The following COL6A5 variants were observed in gnomAD, a reference collection of about 807,000 sequenced individuals.
COL6A5 encodes the protein collagen type VI alpha 5 chain, also known as collagen alpha-5(VI) chain.
A neutral mutation model predicts 65.6 loss-of-function variants in COL6A5; 48 were observed. That is an observed-to-expected ratio of 0.73 (90% CI 0.58 to 0.93). The LOEUF is 0.93. COL6A5 is among the 40% of genes least tolerant of loss of function. The pLI, the probability that COL6A5 is intolerant of heterozygous loss-of-function variation, is 0.00. For missense variants in COL6A5, 914 were observed against 928.3 expected (o/e 0.98, Z 0.20); for synonymous variants, 291 against 322.8 (o/e 0.90, Z 1.05).
intron 20 of COL6A5, 100 bp from the exon 21 acceptor site, chr3:130,413,445 C>A: frequency 9.0e-7 from 1 of 1,105,502 alleles, no homozygotes; most frequent in South Asian, 1.4e-5. Flanking sequence ...GTGAGCTGCT[C>A]ATTACTTATG....
At position 130,349,331 on chromosome 3, in the gene COL6A5, C is replaced by T. The variant is rs549637965; in HGVS notation, c.-29+3350C>T. ...AAGAACACCATCTTTGTAGAGACTG[C>T]AAGCCCTTGGGCAAGCTATGCTAAC... On this transcript the variant is annotated intron_variant and NMD_transcript_variant, in intron 1 of 41. Coordinates refer to the COL6A5 transcript ENST00000312481. 4.6e-5 allele frequency among the ~76,000 whole-genome samples: 7 copies of T among 152,340 alleles called. No individual in the cohort carries two copies. The South Asian group carries it at 1.4e-3, about 32-fold the overall frequency.
chr3:130,452,674 GCAC>G (rs544298664), intron 4 of COL6A5, among the ~76,000 whole-genome samples: 6 of 152,268 alleles, frequency 3.9e-5, no homozygotes, highest in Admixed American at 3.3e-4. Context: ...GAAGTTTCGG[GCAC>G]CATCGTCATT....
At chr3:130,354,811 A>G (rs1934863675) in intron 1 of COL6A5, among the ~76,000 whole-genome samples, 1 of 152,186 alleles carries the variant, frequency 6.6e-6, no homozygotes, top group African/African-American at 2.4e-5. Flanking sequence ...TGCGTGTTCC[A>G]TGATTTATAG....
intron 6 of COL6A5, among the ~76,000 whole-genome samples, chr3:130,389,929 G>A (rs1003335890): frequency 1.3e-5 from 2 of 152,124 alleles, no homozygotes; most frequent in African/African-American, 4.8e-5. Flanking sequence ...TTTGTTTTGT[G>A]TTGTTCCTGT....
intron 4 of COL6A5, among the ~76,000 whole-genome samples, chr3:130,380,363 T>A (rs1935953738): frequency 6.6e-6 from 1 of 152,194 alleles, no homozygotes; most frequent in Non-Finnish European, 1.5e-5. Flanking sequence ...CCTGTAATTC[T>A]ATCTTCAGAT....
intron 17 of COL6A5, 99 bp from the exon 18 acceptor site, chr3:130,409,227 T>G: frequency 1.2e-6 from 1 of 832,452 alleles, no homozygotes; most frequent in South Asian, 2.0e-5. Context: ...ACAAAGAGCA[T>G]TTTATCTGAT....
intron 4 of COL6A5, among the ~76,000 whole-genome samples, chr3:130,381,556 A>G (rs955301233): frequency 1.3e-5 from 2 of 152,018 alleles, no homozygotes; most frequent in Non-Finnish European, 2.9e-5. Flanking sequence ...TCTCCTAGTT[A>G]AGATTCTTTG....
intron 7 of COL6A5, among the ~76,000 whole-genome samples, chr3:130,482,091 T>G (rs1336050176): frequency 1.3e-5 from 2 of 152,204 alleles, no homozygotes; most frequent in East Asian, 3.9e-4. Flanking sequence ...TGCAATTGCT[T>G]TTGGTGTTTT....
At chr3:130,460,552 TG>T (rs1294905018) in intron 5 of COL6A5, among the ~76,000 whole-genome samples, 1 of 152,108 alleles carries the variant, frequency 6.6e-6, no homozygotes, top group African/African-American at 2.4e-5. Context: ...TGACATTTTA[TG>T]TTATGTGACC....
chr3:130,440,904 A>G (rs1314549731), intron 3 of COL6A5, 79 bp downstream of exon 35: 2 of 1,027,414 alleles, frequency 1.9e-6, no homozygotes, highest in Non-Finnish European at 2.8e-6. Context: ...CTATTTTTGT[A>G]TCTATAGCTA....
chr3:130,439,196 G>A (rs1260899221), intron 1 of COL6A5, among the ~76,000 whole-genome samples: 1 of 151,972 alleles, frequency 6.6e-6, no homozygotes, highest in Admixed American at 6.5e-5. Flanking sequence ...AGAATTGCAG[G>A]CTTGGAAATG....
At chr3:130,468,417 AC>A (rs1238995895) in intron 5 of COL6A5, among the ~76,000 whole-genome samples, 1 of 152,118 alleles carries the variant, frequency 6.6e-6, no homozygotes, top group Non-Finnish European at 1.5e-5. Context: ...TGAGGTTATT[AC>A]ATATAATTAA....
intron 1 of COL6A5, among the ~76,000 whole-genome samples, chr3:130,371,417 C>G (rs1047493729): frequency 4.0e-5 from 6 of 151,880 alleles, no homozygotes; most frequent in African/African-American, 1.5e-4. Flanking sequence ...TTTCCAACTT[C>G]AAAACTTTCT....
chr3:130,391,466 G>A (rs1265637270), exon 7 of COL6A5: 1 of 1,551,582 alleles, frequency 6.4e-7, no homozygotes, highest in Admixed American at 2.0e-5. Flanking sequence ...GCACGCAAAT[G>A]CCCTGTTTAC....
chr3:130,479,131 C>T (rs1325604651), intron 7 of COL6A5, among the ~76,000 whole-genome samples: 5 of 151,904 alleles, frequency 3.3e-5, no homozygotes, highest in Non-Finnish European at 7.4e-5. Flanking sequence ...GTGATTAAGT[C>T]GTGGGGGTGG....
intron 10 of COL6A5, among the ~76,000 whole-genome samples, chr3:130,399,612 C>T (rs2107662584): frequency 6.6e-6 from 1 of 152,056 alleles, no homozygotes; most frequent in African/African-American, 2.4e-5. Flanking sequence ...ACCTCATGAT[C>T]CGCCCACCTC....
intron 6 of COL6A5, among the ~76,000 whole-genome samples, 190 bp from the exon 7 acceptor site, chr3:130,390,989 C>T (rs1311160623): frequency 6.6e-6 from 1 of 152,174 alleles, no homozygotes; most frequent in East Asian, 1.9e-4. Context: ...ATGATGTAGG[C>T]AAGTTGCACT....
At chr3:130,405,734 C>A in intron 14 of COL6A5, 75 bp downstream of exon 14, 1 of 1,226,354 alleles carries the variant, frequency 8.2e-7, no homozygotes, top group Non-Finnish European at 1.2e-6. Flanking sequence ...TCCTTTCCTC[C>A]CTCATTTTCT....
chr3:130,372,901 C>T (rs151270031), intron 1 of COL6A5, among the ~76,000 whole-genome samples: 17 of 152,212 alleles, frequency 1.1e-4, no homozygotes, highest in Middle Eastern at 6.8e-3. Context: ...TTTTGAGTAT[C>T]GGCCATTTAA....
Sources: gnomAD v4.1 joint callset for allele counts (sites outside exome capture counted in the v4.1 genomes callset) on GRCh38, gnomAD v4.1.1 for gene constraint, MANE v1.5 for transcripts, NCBI Gene and HGNC (gene_info 2026-07-23, HGNC 2026-07-21) for gene names.